Variants in SLC9A3 observed in about 807,000 individuals in gnomAD.
SLC9A3 encodes the protein sodium/hydrogen exchanger 3.
In SLC9A3, 37 loss-of-function variants were observed where a neutral mutation model predicts 86.8. The observed-to-expected ratio is 0.43, with a 90% CI of 0.33 to 0.56. SLC9A3 has a LOEUF of 0.56. Among genes scored for constraint, SLC9A3 ranks in the 20% least tolerant of loss-of-function variants. SLC9A3 has a pLI of 0.06. For synonymous variants in SLC9A3, 581 were observed against 528.3 expected, an observed-to-expected ratio of 1.10 and a Z score of -1.37; for missense variants, 1,011 against 1,171.9, an observed-to-expected ratio of 0.86 and a Z score of 2.00.
intron 1 of SLC9A3, among the ~76,000 whole-genome samples, chr5:505,726 A>G (rs1244265204): frequency 3.7e-5 from 1 of 27,342 alleles, no homozygotes; most frequent in Non-Finnish European, 7.6e-5. Context: ...GACCACGGAG[A>G]GGGGAGAGTG....
In SLC9A3 at chr5:473,147, C is replaced by CCCCGCCCCCGGCGCAGGT; in HGVS notation, c.*231_*232insACCTGCGCCGGGGGCGGG. Reference sequence around the variant, plus strand: ...CACTCGGCAGCCCTCGGCGCTCCGGCCCCGCCCCCGGCGCAGGCCCCGCCC... The same window carrying CCCCGCCCCCGGCGCAGGT: ...CACTCGGCAGCCCTCGGCGCTCCGGCCCCGCCCCCGGCGCAGGTCCCGCCCCCGGCGCAGGCCCCGCCC... On this transcript the variant is annotated 3_prime_UTR_variant, in exon 17 of 17. Transcript: ENST00000264938. 3.0e-6 allele frequency: 1 copy of CCCCGCCCCCGGCGCAGGT among 336,736 alleles called. No homozygotes were observed. Among genetic ancestry groups the CCCCGCCCCCGGCGCAGGT allele is most frequent in the Non-Finnish European group, 4.9e-6 (1 of 202,454 alleles). The allele number at this position is 336,736 out of a possible 1,614,324, so 20.9% of individuals were successfully genotyped here.
Position 491,409 on chromosome 5 carries a change from A to G in SLC9A3, c.514+360T>C, listed in dbSNP as rs2126629531. On this transcript the variant is annotated intron_variant, in intron 2 of 16. Coordinates refer to ENST00000264938, the MANE Select transcript of SLC9A3 (RefSeq NM_004174.4). This position sits in a 1 kb window ranked among gnomAD's most constrained non-coding sequence, Gnocchi z 9.2. ...CACAGGCTGGGAGGGACGGTGCCCG[A>G]TACACCAGGCTCTGCAGTCCTCCTC... Among the ~76,000 whole-genome samples, 1 of 152,174 alleles carries G rather than the reference A, an allele frequency of 6.6e-6. No homozygotes were observed. The highest frequency in any genetic ancestry group is 1.5e-5 in the Non-Finnish European group (1 of 67,980).
intron 1 of SLC9A3, among the ~76,000 whole-genome samples, chr5:503,405 G>A (rs1199804889): frequency 2.0e-5 from 3 of 152,186 alleles, no homozygotes; most frequent in Non-Finnish European, 4.4e-5. Context: ...GAGCCTGGTG[G>A]TTTGTGCCCA....
At chr5:501,606 C>T (rs927209539) in intron 1 of SLC9A3, among the ~76,000 whole-genome samples, 8 of 152,182 alleles carry the variant, frequency 5.3e-5, no homozygotes, top group African/African-American at 1.2e-4. Context: ...AGAGGAGACA[C>T]GCACAGGGTC....
chr5:506,222 C>A (rs1468120127), intron 1 of SLC9A3, among the ~76,000 whole-genome samples: 6 of 152,092 alleles, frequency 3.9e-5, no homozygotes, highest in Admixed American at 3.9e-4. Flanking sequence ...ACGCAGCAGC[C>A]GGAAGCGGTT....
In SLC9A3 at chr5:487,741, C is replaced by T. The variant is rs536548494; in HGVS notation, c.675+575G>A. ...GGAGTGCGATGGCACGATCTCGGCTCATTGCAACCTCTGCCTCCTGGTTTC... is the reference window on the plus strand; with the variant it reads ...GGAGTGCGATGGCACGATCTCGGCTTATTGCAACCTCTGCCTCCTGGTTTC... On this transcript the variant is annotated intron_variant, in intron 3 of 16. Coordinates refer to ENST00000264938, the MANE Select transcript of SLC9A3 (RefSeq NM_004174.4). 3.3e-5 allele frequency among the ~76,000 whole-genome samples: 5 copies of T among 152,370 alleles called. No homozygotes were observed. The East Asian group carries it at 9.6e-4, about 29-fold the overall frequency.
In SLC9A3 at chr5:524,351, GC is replaced by G. The variant is rs1560981637; in HGVS notation, c.-30del. On this transcript the variant is annotated 5_prime_UTR_variant, in exon 1 of 17. It removes the in-frame stop codon of an upstream open reading frame in the 5' UTR. Coordinates refer to ENST00000264938, the MANE Select transcript of SLC9A3 (RefSeq NM_004174.4). ...CGCCTGCTCAGCGCAGGGCTGGGAC[GC>G]GCATGTCGCGGGGGGTCCCGGCTGG... 2 of 1,048,864 alleles carry G rather than the reference GC, an allele frequency of 1.9e-6. No homozygotes were observed. The highest frequency in any genetic ancestry group is 1.7e-5 in the African/African-American group (1 of 59,200). 65.0% of individuals were successfully genotyped at this position (1,048,864 alleles called of 1,614,324 possible).
chr5:473,259 G>C lies in SLC9A3; in HGVS notation c.*120C>G, dbSNP rs553036828. On this transcript the variant is annotated 3_prime_UTR_variant, in exon 17 of 17. Coordinates refer to ENST00000264938, the MANE Select transcript of SLC9A3 (RefSeq NM_004174.4). ...CGCTGGCGTGGGCGAGGCGGGGCTCGGGGCTCGCGGTCGCTGTAGCCGCGC... is the reference window on the plus strand; with the variant it reads ...CGCTGGCGTGGGCGAGGCGGGGCTCCGGGCTCGCGGTCGCTGTAGCCGCGC... 3.0e-4 allele frequency: 336 copies of C among 1,114,344 alleles called. 3 individuals are homozygous for C. The East Asian group carries it at 4.7e-3, about 16-fold the overall frequency. 69.0% of individuals were successfully genotyped at this position (1,114,344 alleles called of 1,614,324 possible).
chr5:506,734 A>G (rs894424610), intron 1 of SLC9A3, among the ~76,000 whole-genome samples: 18 of 152,194 alleles, frequency 1.2e-4, no homozygotes, highest in African/African-American at 3.6e-4. Flanking sequence ...AAACCCAAGG[A>G]AAACGAAGGA....
At chr5:484,046 G>A (rs558111476) in intron 5 of SLC9A3, among the ~76,000 whole-genome samples, 4 of 152,312 alleles carry the variant, frequency 2.6e-5, no homozygotes, top group African/African-American at 7.2e-5. Context: ...GTGTCCATGC[G>A]GCTGGCACCT....
chr5:475,889 C>T, intron 14 of SLC9A3, 131 bp downstream of exon 14: 3 of 836,562 alleles, frequency 3.6e-6, no homozygotes, highest in Non-Finnish European at 5.6e-6. Flanking sequence ...CTGACCATGC[C>T]TCCCCTGCCT....
intron 1 of SLC9A3, among the ~76,000 whole-genome samples, chr5:494,202 TGCCCCGACA>T (rs1183748766): frequency 2.0e-5 from 3 of 152,196 alleles, no homozygotes; most frequent in Non-Finnish European, 2.9e-5. Flanking sequence ...CCCTAACGCG[TGCCCCGACA>T]GCCCCGTCCT....
At chr5:490,211 G>A (rs376065926) in intron 2 of SLC9A3, among the ~76,000 whole-genome samples, 11 of 152,358 alleles carry the variant, frequency 7.2e-5, no homozygotes, top group Middle Eastern at 3.4e-3. Context: ...TCCAGCATCC[G>A]TGTCACCTGG....
At chr5:504,027 C>G (rs917428655) in intron 1 of SLC9A3, among the ~76,000 whole-genome samples, 1 of 147,602 alleles carries the variant, frequency 6.8e-6, no homozygotes, top group Non-Finnish European at 1.5e-5. Flanking sequence ...CTTATAAAAT[C>G]ATTCACTTCA....
chr5:522,227 C>T (rs1283906221), intron 1 of SLC9A3, among the ~76,000 whole-genome samples: 1 of 152,230 alleles, frequency 6.6e-6, no homozygotes, highest in East Asian at 1.9e-4. Context: ...CTGGAGCCGG[C>T]AGCCTCCCCG....
In SLC9A3 at chr5:475,394, C is replaced by T. The variant is rs542736776; in HGVS notation, c.2251+167G>A. The T allele has an allele frequency of 2.5e-4, 158 of 621,404 alleles. No individual in the cohort carries two copies. In the African/African-American group the frequency reaches 2.6e-3, roughly 10 times the overall value. 38.5% of individuals were successfully genotyped at this position (621,404 alleles called of 1,614,324 possible). ...CCACGTCTCCCCGGACAGCAGCCTC[C>T]GAGTTGGTTGAGGGGGCACTCAGTG... On this transcript the variant is annotated intron_variant, in intron 15 of 16. Transcript: ENST00000264938.
rs13359853 is a variant in SLC9A3 at position 497,162 on chromosome 5, G to A, written c.212-5091C>T. 0.23 allele frequency among the ~76,000 whole-genome samples: 35,074 copies of A among 152,120 alleles called. 4,269 individuals are homozygous for A. Among genetic ancestry groups the A allele is most frequent in the Admixed American group, 0.27 (4,099 of 15,288 alleles). On this transcript the variant is annotated intron_variant, in intron 1 of 16. Transcript: ENST00000264938. The surrounding 1 kb of genome is among the most constrained non-coding windows in gnomAD (Gnocchi z 5.4). ...AGACAGTCTTTCCACACAGATGTCT[G>A]TTCTTGAAATCCCCGAGCCTGGAAG...
At chr5:506,986 G>A (rs180850435) in intron 1 of SLC9A3, among the ~76,000 whole-genome samples, 2,721 of 149,780 alleles carry the variant, frequency 0.018, 84 homozygotes, top group African/African-American at 0.061. Context: ...CAGGAGAATC[G>A]CTTGAACCCG....
chr5:476,347 G>T lies in SLC9A3; in HGVS notation c.1922C>A (p.Thr641Lys). 3 of 1,613,868 alleles carry T rather than the reference G, an allele frequency of 1.9e-6. No individual in the cohort carries two copies. Among genetic ancestry groups the T allele is most frequent in the Non-Finnish European group, 2.5e-6 (3 of 1,180,008 alleles). ...YKHLYSRHEL[T>K]PTEDEKQDRE... The stretch of plus-strand genomic sequence containing the variant: ...GTCCTGTTTCTCGTCCTCCGTGGGC[G>T]TGAGCTCGTGTCGGCTGTACAGATG... Residue 641 changes from threonine to lysine, a missense_variant, in exon 13 of 17, where the codon ACG (threonine) becomes AAG (lysine). Physicochemically the swap from Thr to Lys is moderately conservative, Grantham distance 78. This residue lies in a region of SLC9A3 where 397 missense variants were observed against 346.3 expected (regional missense o/e 1.15). Coordinates refer to ENST00000264938, the MANE Select transcript of SLC9A3 (RefSeq NM_004174.4).
Sources: gnomAD v4.1 joint callset for allele counts (sites outside exome capture counted in the v4.1 genomes callset) on GRCh38, gnomAD v4.1.1 for gene constraint, gnomAD v4.1.1 regional missense constraint, Gnocchi (gnomAD v3.1) non-coding constraint, MANE v1.5 for transcripts, NCBI Gene and HGNC (gene_info 2026-07-23, HGNC 2026-07-21) for gene names.